The following CCDC102B variants were observed in gnomAD, a reference collection of about 807,000 sequenced individuals.
CCDC102B encodes the protein coiled-coil domain containing 102B.
A neutral mutation model predicts 57.4 loss-of-function variants in CCDC102B; 75 were observed. That is an observed-to-expected ratio of 1.31 (90% CI 1.08 to 1.58). The LOEUF (loss-of-function observed/expected upper bound fraction) is 1.58, where lower values mean the gene tolerates loss of function less well. Among genes scored for constraint, CCDC102B ranks in the 40% most tolerant of loss-of-function variants. The pLI is 0.00. For synonymous variants in CCDC102B, 206 were observed against 201.9 expected (o/e 1.02, Z -0.17); for missense variants, 636 against 582.6 (o/e 1.09, Z -0.94).
At chr18:68,779,057 A>G (rs565728279) in intron 2 of CCDC102B, among the ~76,000 whole-genome samples, 1 of 152,252 alleles carries the variant, frequency 6.6e-6, no homozygotes, top group African/African-American at 2.4e-5. Flanking sequence ...GACACACACT[A>G]TCCAGAGAAC....
intron 6 of CCDC102B, among the ~76,000 whole-genome samples, chr18:68,945,122 C>CTCCACA (rs369066554): frequency 1.4e-5 from 2 of 143,942 alleles, no homozygotes; most frequent in African/African-American, 5.2e-5. Flanking sequence ...CTCTCTCTCT[C>CTCCACA]CACACACACA....
At chr18:68,858,025 A>T (rs903829390) in intron 4 of CCDC102B, among the ~76,000 whole-genome samples, 5 of 152,128 alleles carry the variant, frequency 3.3e-5, no homozygotes, top group Non-Finnish European at 5.9e-5. Flanking sequence ...TCTATCTGGG[A>T]TTCTCCCCAC....
Position 68,905,381 on chromosome 18 carries a change from T to C in CCDC102B, c.1263+7953T>C, listed in dbSNP as rs147001584. ...TTTAAAAGGACATAAAACACTATTG[T>C]TACAAAGATTATTTAAAATTAAAAC... is the stretch of plus-strand genomic sequence containing the variant. On this transcript the variant is annotated intron_variant, in intron 6 of 7. Coordinates refer to ENST00000360242, the MANE Select transcript of CCDC102B (RefSeq NM_024781.3). 4.4e-3 allele frequency among the ~76,000 whole-genome samples: 664 copies of C among 150,522 alleles called. 8 individuals are homozygous for C. The East Asian group carries it at 0.052, about 12-fold the overall frequency.
intron 1 of CCDC102B, among the ~76,000 whole-genome samples, chr18:68,827,039 T>C (rs1168327248): frequency 6.6e-6 from 1 of 152,042 alleles, no homozygotes; most frequent in Admixed American, 6.6e-5. Context: ...TTTTTAAGTG[T>C]TGAAAAAAAA....
At chr18:68,784,304 G>A (rs148978742) in intron 2 of CCDC102B, among the ~76,000 whole-genome samples, 1 of 151,064 alleles carries the variant, frequency 6.6e-6, no homozygotes, top group Non-Finnish European at 1.5e-5. Flanking sequence ...GTGGGAGCAG[G>A]AGGAAGAGAG....
chr18:68,846,458 C>G (rs781780854), intron 4 of CCDC102B, 37 bp downstream of exon 4: 4 of 1,313,020 alleles, frequency 3.0e-6, no homozygotes, highest in Non-Finnish European at 4.2e-6. Flanking sequence ...GAAATGAAGC[C>G]TAGCTTTTTC....
intron 1 of CCDC102B, among the ~76,000 whole-genome samples, chr18:68,808,438 C>A (rs1338534646): frequency 1.4e-5 from 2 of 141,438 alleles, no homozygotes; most frequent in Admixed American, 6.9e-5. Context: ...GTTTTTGAAT[C>A]ATTCCATTGT....
intron 6 of CCDC102B, among the ~76,000 whole-genome samples, chr18:68,978,860 G>A (rs2050504645): frequency 6.6e-6 from 1 of 152,018 alleles, no homozygotes; most frequent in African/African-American, 2.4e-5. Flanking sequence ...TGTCATTAAT[G>A]TATTTGTAAT....
intron 7 of CCDC102B, among the ~76,000 whole-genome samples, chr18:69,048,544 C>A (rs1320621182): frequency 6.6e-6 from 1 of 151,902 alleles, no homozygotes. Context: ...TTATAGATAG[C>A]AACAAAATGT....
intron 1 of CCDC102B, among the ~76,000 whole-genome samples, chr18:68,836,184 A>G (rs74839780): frequency 1.5e-3 from 229 of 152,310 alleles, no homozygotes; most frequent in Non-Finnish European, 2.8e-3. Flanking sequence ...GTCAAAATGA[A>G]TTATTTATGT....
chr18:68,895,823 G>C (rs1247447714), intron 5 of CCDC102B, among the ~76,000 whole-genome samples: 1 of 151,848 alleles, frequency 6.6e-6, no homozygotes, highest in Non-Finnish European at 1.5e-5. Flanking sequence ...GGACCAGGAT[G>C]AGATTCTAAT....
At chr18:69,032,431 T>C (rs2052172299) in intron 7 of CCDC102B, among the ~76,000 whole-genome samples, 1 of 152,190 alleles carries the variant, frequency 6.6e-6, no homozygotes, top group Admixed American at 6.6e-5. Context: ...ACAATAGTGT[T>C]ATTCTCTGTA....
At chr18:68,983,499 T>G (rs558402080) in intron 6 of CCDC102B, among the ~76,000 whole-genome samples, 2 of 152,152 alleles carry the variant, frequency 1.3e-5, no homozygotes, top group African/African-American at 4.8e-5. Context: ...GTAAATGTTT[T>G]CAGAGTTCAC....
intron 7 of CCDC102B, among the ~76,000 whole-genome samples, chr18:69,031,891 T>C (rs2052157127): frequency 6.6e-6 from 1 of 152,192 alleles, no homozygotes; most frequent in African/African-American, 2.4e-5. Context: ...TTCTGAATTC[T>C]CTTGTTCTTT....
At chr18:68,972,516 A>G (rs181492567) in intron 6 of CCDC102B, among the ~76,000 whole-genome samples, 1 of 152,304 alleles carries the variant, frequency 6.6e-6, no homozygotes, top group East Asian at 1.9e-4. Context: ...AGATTTGTCT[A>G]TCTCACCTGG....
chr18:68,951,739 C>A (rs1320845028), intron 6 of CCDC102B, among the ~76,000 whole-genome samples: 1 of 151,628 alleles, frequency 6.6e-6, no homozygotes, highest in East Asian at 1.9e-4. Flanking sequence ...ACCTGGGAGG[C>A]TGAGGTTGCA....
At chr18:68,729,264 C>T (rs1032880657) in intron 2 of CCDC102B, among the ~76,000 whole-genome samples, 5 of 152,102 alleles carry the variant, frequency 3.3e-5, no homozygotes, top group African/African-American at 7.2e-5. Flanking sequence ...ACAAGATACC[C>T]GTTATCCCCA....
chr18:68,798,915 T>C (rs1188577108), intron 1 of CCDC102B, among the ~76,000 whole-genome samples: 1 of 152,074 alleles, frequency 6.6e-6, no homozygotes, highest in African/African-American at 2.4e-5. Context: ...AGTACATTTA[T>C]TAAATATAAA....
chr18:68,974,089 T>C (rs1048230027), intron 6 of CCDC102B, among the ~76,000 whole-genome samples: 4 of 152,134 alleles, frequency 2.6e-5, no homozygotes, highest in South Asian at 2.1e-4. Flanking sequence ...ATTTAATTAC[T>C]TTCTCTGGTC....
Sources: gnomAD v4.1 joint callset for allele counts (sites outside exome capture counted in the v4.1 genomes callset) on GRCh38, gnomAD v4.1.1 for gene constraint, MANE v1.5 for transcripts, NCBI Gene and HGNC (gene_info 2026-07-23, HGNC 2026-07-21) for gene names.